The following FGF12 variants were observed in gnomAD, a reference collection of about 807,000 sequenced individuals.
FGF12 encodes the protein fibroblast growth factor 12, also known as fibroblast growth factor 12B.
A neutral mutation model predicts 23.6 loss-of-function variants in FGF12; 14 were observed. The observed-to-expected ratio is 0.59, with a 90% CI of 0.39 to 0.93. The LOEUF (loss-of-function observed/expected upper bound fraction) is 0.93. Ranked by LOEUF, FGF12 falls within the 40% of genes least tolerant of loss-of-function variation. FGF12 has a pLI of 0.00. For missense variants in FGF12, 175 were observed against 217.8 expected, an observed-to-expected ratio of 0.80 and a Z score of 1.24; for synonymous variants, 62 against 77.3, an observed-to-expected ratio of 0.80 and a Z score of 1.04.
chr3:192,424,966 T>C (rs1353238104), intron 2 of FGF12, among the ~76,000 whole-genome samples: 2 of 152,218 alleles, frequency 1.3e-5, no homozygotes, highest in Non-Finnish European at 2.9e-5. Context: ...AGGTGAGTTG[T>C]CATGCATACA....
chr3:192,567,756 T>TC (rs775738169), intron 2 of FGF12, among the ~76,000 whole-genome samples: 6 of 127,320 alleles, frequency 4.7e-5, no homozygotes, highest in Non-Finnish European at 8.6e-5. Context: ...TTTCTTTCTT[T>TC]CTTTCTTTCT....
rs766820413 is a variant in FGF12 at position 192,408,259 on chromosome 3, C to T, written c.14-47721G>A. 3.1e-5 allele frequency: 48 copies of T among 1,539,212 alleles called. No homozygotes were observed. The highest frequency in any genetic ancestry group is 3.8e-5 in the Non-Finnish European group (44 of 1,147,268). On this transcript the variant is annotated intron_variant, in intron 2 of 5. Transcript: ENST00000445105. This position sits in a 1 kb window ranked among gnomAD's most constrained non-coding sequence, Gnocchi z 7.3. The stretch of plus-strand genomic sequence containing the variant: ...CGAGGGCCTCAGGCCCCAGCCTCTA[C>T]TGCGCCCTCCGGCTTGCGCTCCGCC...
chr3:192,643,720 T>C (rs1715889202), intron 2 of FGF12, among the ~76,000 whole-genome samples: 1 of 152,162 alleles, frequency 6.6e-6, no homozygotes, highest in Non-Finnish European at 1.5e-5. Context: ...TTTTTACTGT[T>C]TTATATCAGT....
chr3:192,495,536 C>G (rs1456147491), intron 2 of FGF12, among the ~76,000 whole-genome samples: 1 of 152,116 alleles, frequency 6.6e-6, no homozygotes, highest in African/African-American at 2.4e-5. Flanking sequence ...TTACAGAACT[C>G]CAGGATGCTG....
intron 2 of FGF12, among the ~76,000 whole-genome samples, chr3:192,429,566 T>C (rs1392085471): frequency 1.3e-5 from 2 of 152,190 alleles, no homozygotes; most frequent in Non-Finnish European, 2.9e-5. Context: ...TCTAGAACTA[T>C]GTGCCTACAC....
In FGF12 at chr3:192,574,928, A is replaced by G. The variant is rs142002371; in HGVS notation, c.13+152253T>C. On this transcript the variant is annotated intron_variant, in intron 2 of 5. Coordinates refer to ENST00000445105, the MANE Select transcript of FGF12 (RefSeq NM_004113.6). ...GCCCACAGAAACTGTGAGATAATGA[A>G]TAGTTATTTTAAGCCACTGAGTTTT... is the stretch of plus-strand genomic sequence containing the variant. Among the ~76,000 whole-genome samples, 692 of 152,362 alleles carry G rather than the reference A, an allele frequency of 4.5e-3. 1 individual carries two copies. Among genetic ancestry groups the G allele is most frequent in the Non-Finnish European group, 6.4e-3 (434 of 68,030 alleles).
At position 192,140,152 on chromosome 3, in the gene FGF12, C is replaced by A. The variant is rs1211467417; in HGVS notation, c.*3857G>T. ...TTTTTGATTACCTATGACTAAAGACCACAAATCAAATAAAAACTCATATAA... is the reference window on the plus strand; with the variant it reads ...TTTTTGATTACCTATGACTAAAGACAACAAATCAAATAAAAACTCATATAA... On this transcript the variant is annotated 3_prime_UTR_variant, in exon 6 of 6. Transcript: ENST00000445105. The A allele has an allele frequency of 6.6e-6, 1 of 151,750 alleles. No homozygotes were observed. Among genetic ancestry groups the A allele is most frequent in the Non-Finnish European group, 1.5e-5 (1 of 67,878 alleles). 9.4% of individuals were successfully genotyped at this position (151,750 alleles called of 1,614,324 possible).
intron 2 of FGF12, among the ~76,000 whole-genome samples, chr3:192,390,743 G>A (rs991252393): frequency 1.2e-4 from 18 of 152,174 alleles, no homozygotes; most frequent in African/African-American, 4.3e-4. Flanking sequence ...TCAACGAGGC[G>A]TGTGACTGAT....
At chr3:192,411,393 C>A (rs918080993) in intron 2 of FGF12, among the ~76,000 whole-genome samples, 1 of 152,314 alleles carries the variant, frequency 6.6e-6, no homozygotes, top group Non-Finnish European at 1.5e-5. Context: ...TCCCAGCTGT[C>A]ATTTGGGAAG....
At chr3:192,512,293 T>A (rs560204818) in intron 2 of FGF12, among the ~76,000 whole-genome samples, 1 of 152,238 alleles carries the variant, frequency 6.6e-6, no homozygotes, top group Non-Finnish European at 1.5e-5. Flanking sequence ...ATATGCACAC[T>A]GGGCATGGCA....
chr3:192,672,647 A>G (rs1717168449), intron 2 of FGF12, among the ~76,000 whole-genome samples: 1 of 151,102 alleles, frequency 6.6e-6, no homozygotes, highest in Non-Finnish European at 1.5e-5. Flanking sequence ...ACAAGAGTAG[A>G]CTGTGTGGGC....
intron 2 of FGF12, among the ~76,000 whole-genome samples, chr3:192,377,971 T>TAGCAAACAG (rs1719598744): frequency 3.4e-4 from 48 of 142,500 alleles, no homozygotes; most frequent in African/African-American, 1.4e-3. Flanking sequence ...AAATGTCTTT[T>TAGCAAACAG]CTGGTATTAC....
chr3:192,484,570 A>T (rs1251780263), intron 2 of FGF12, among the ~76,000 whole-genome samples: 1 of 152,094 alleles, frequency 6.6e-6, no homozygotes, highest in Non-Finnish European at 1.5e-5. Flanking sequence ...TGTAAGAGGG[A>T]ATTATCATTT....
At chr3:192,223,513 A>T (rs1021651690) in intron 4 of FGF12, among the ~76,000 whole-genome samples, 2 of 152,192 alleles carry the variant, frequency 1.3e-5, no homozygotes, top group African/African-American at 4.8e-5. Flanking sequence ...TAATATGGAA[A>T]TAATGTTATG....
intron 2 of FGF12, among the ~76,000 whole-genome samples, chr3:192,700,154 C>T (rs2108729079): frequency 6.6e-6 from 1 of 152,260 alleles, no homozygotes; most frequent in Admixed American, 6.5e-5. Context: ...TTCTCTTAAC[C>T]TGCCATTAAA....
At chr3:192,617,430 T>A (rs1181174200) in intron 2 of FGF12, among the ~76,000 whole-genome samples, 1 of 152,062 alleles carries the variant, frequency 6.6e-6, no homozygotes, top group Non-Finnish European at 1.5e-5. Flanking sequence ...AAGGGGGTCA[T>A]AAAATTGGAG....
chr3:192,278,568 A>G (rs1014359375), intron 4 of FGF12, among the ~76,000 whole-genome samples: 1 of 152,234 alleles, frequency 6.6e-6, no homozygotes, highest in Non-Finnish European at 1.5e-5. Flanking sequence ...TCTAGAATAG[A>G]TGTGGGCCAC....
At chr3:192,211,700 T>G (rs1717940628) in intron 4 of FGF12, among the ~76,000 whole-genome samples, 1 of 152,172 alleles carries the variant, frequency 6.6e-6, no homozygotes, top group Admixed American at 6.5e-5. Context: ...GTGCTGGGAT[T>G]ACAGGTGTGA....
At chr3:192,164,756 A>G (rs1197608444) in intron 5 of FGF12, among the ~76,000 whole-genome samples, 1 of 152,154 alleles carries the variant, frequency 6.6e-6, no homozygotes, top group Non-Finnish European at 1.5e-5. Context: ...CAGTATTACC[A>G]TTGGACTTAC....
Sources: gnomAD v4.1 joint callset for allele counts (sites outside exome capture counted in the v4.1 genomes callset) on GRCh38, gnomAD v4.1.1 for gene constraint, Gnocchi (gnomAD v3.1) non-coding constraint, MANE v1.5 for transcripts, NCBI Gene and HGNC (gene_info 2026-07-23, HGNC 2026-07-21) for gene names.